The following CTNNB1 variants were observed in gnomAD, a reference collection of about 807,000 sequenced individuals.
CTNNB1 encodes the protein catenin beta 1.
In CTNNB1, 6 loss-of-function variants were observed where a neutral mutation model predicts 82.5. The ratio of observed to expected loss-of-function variants is 0.07; its 90% CI spans 0.04 to 0.14. The LOEUF (loss-of-function observed/expected upper bound fraction) is 0.14. CTNNB1 is among the 10% of genes least tolerant of loss of function. The pLI is 1.00. For missense variants in CTNNB1, 529 were observed against 980.4 expected, an observed-to-expected ratio of 0.54 and a Z score of 6.15; for synonymous variants, 312 against 329.7, an observed-to-expected ratio of 0.95 and a Z score of 0.58.
chr3:41,222,428 C>T (rs1481766154), intron 1 of CTNNB1: 1 of 152,146 alleles, frequency 6.6e-6, no homozygotes, highest in African/African-American at 2.4e-5. Flanking sequence ...TAGGTTTTTA[C>T]CCTCCTTCAC....
At position 41,234,188 on chromosome 3, in the gene CTNNB1, C is replaced by T. The variant is rs973577793; in HGVS notation, c.1574C>T (p.Ala525Val). The change falls in exon 10 of 15, where the codon GCA becomes GTA. Residue 525 changes from alanine to valine, a missense_variant. This residue lies in a region of CTNNB1 where 411 missense variants were observed against 776.4 expected (regional missense o/e 0.53). Coordinates refer to ENST00000349496, the MANE Select transcript of CTNNB1 (RefSeq NM_001904.4). ...CTTGCCCTTTGTCCCGCAAATCATG[C>T]ACCTTTGCGTGAGCAGGGTGCCATT... ...RNLALCPANH[A>V]PLREQGAIPR... 14 of 1,614,092 alleles carry T rather than the reference C, an allele frequency of 8.7e-6. No individual in the cohort carries two copies. The highest frequency in any genetic ancestry group is 9.3e-6 in the Non-Finnish European group (11 of 1,180,038).
At chr3:41,205,009 G>T (rs575101519) in intron 1 of CTNNB1, among the ~76,000 whole-genome samples, 2 of 152,258 alleles carry the variant, frequency 1.3e-5, no homozygotes, top group South Asian at 4.2e-4. Flanking sequence ...TTAAAGTTAG[G>T]AATTAAGATG....
chr3:41,227,644 T>C (rs1408738097), intron 7 of CTNNB1, among the ~76,000 whole-genome samples: 1 of 152,240 alleles, frequency 6.6e-6, no homozygotes, highest in Non-Finnish European at 1.5e-5. Context: ...AACAGAGCTG[T>C]GAATTTATAG....
intron 1 of CTNNB1, among the ~76,000 whole-genome samples, chr3:41,223,448 T>A (rs1427745412): frequency 6.6e-6 from 1 of 152,188 alleles, no homozygotes; most frequent in Non-Finnish European, 1.5e-5. Context: ...GCTTTTGTGT[T>A]GCAAACTTTC....
At position 41,239,544 on chromosome 3, in the gene CTNNB1, C is replaced by A; in HGVS notation, c.*202C>A. The A allele has an allele frequency of 3.3e-6, 2 of 606,100 alleles. No individual in the cohort carries two copies. Among genetic ancestry groups the A allele is most frequent in the South Asian group, 1.9e-5 (1 of 51,376 alleles). 37.5% of individuals were successfully genotyped at this position (606,100 alleles called of 1,614,324 possible). On this transcript the variant is annotated 3_prime_UTR_variant, in exon 15 of 15. Transcript: ENST00000349496. ...CTCAGATTTCTGGTTGTTATGTGAT[C>A]ATGTGTGGAAGTTATTAACTTTAAT...
chr3:41,203,234 A>C lies in CTNNB1; in HGVS notation c.-49+3564A>C, dbSNP rs564534778. Reference sequence around the variant, plus strand: ...ATTTTTTTTTTTTTAATTCCAAACAAGTTTATGTGGGATATATTTAGGAAT... The same window carrying C: ...ATTTTTTTTTTTTTAATTCCAAACACGTTTATGTGGGATATATTTAGGAAT... On this transcript the variant is annotated intron_variant, in intron 1 of 14. Transcript: ENST00000349496. 2.1e-3 allele frequency among the ~76,000 whole-genome samples: 312 copies of C among 151,898 alleles called. 2 individuals carry two copies. The highest frequency in any genetic ancestry group is 0.02 in the Middle Eastern group (6 of 294).
intron 1 of CTNNB1, among the ~76,000 whole-genome samples, chr3:41,204,359 G>A (rs1478366038): frequency 6.6e-6 from 1 of 152,100 alleles, no homozygotes; most frequent in Non-Finnish European, 1.5e-5. Context: ...GACTTAATTT[G>A]TCTCTTGAAA....
At chr3:41,219,721 T>C (rs1333777072) in intron 1 of CTNNB1, among the ~76,000 whole-genome samples, 1 of 152,244 alleles carries the variant, frequency 6.6e-6, no homozygotes, top group Non-Finnish European at 1.5e-5. Flanking sequence ...GTTTATGATC[T>C]GTCAGTATTG....
chr3:41,222,057 T>C (rs1575311388), intron 1 of CTNNB1: 1 of 152,294 alleles, frequency 6.6e-6, no homozygotes, highest in African/African-American at 2.4e-5. Flanking sequence ...TCAGTTTCTA[T>C]GGAGTCAGTT....
At chr3:41,222,390 C>T (rs749662948) in intron 1 of CTNNB1, 3 of 152,126 alleles carry the variant, frequency 2.0e-5, no homozygotes, top group Non-Finnish European at 4.4e-5. Context: ...CCATTTCTAC[C>T]CTTTGTTTTT....
rs1457418133 is a variant in CTNNB1 at position 41,225,344 on chromosome 3, A to G, written c.506A>G (p.Asn169Ser). 2 of 1,613,952 alleles carry G rather than the reference A, an allele frequency of 1.2e-6. No homozygotes were observed. The highest frequency in any genetic ancestry group is 1.7e-6 in the Non-Finnish European group (2 of 1,179,982). ...ATTCCTGTATTACAGGTGGTGGTTA[A>G]TAAGGCTGCAGTTATGGTCCATCAG... is the stretch of plus-strand genomic sequence containing the variant. The part of the protein sequence containing the change: ...LLNDEDQVVV[N>S]KAAVMVHQLS... The change falls in exon 5 of 15, where the codon AAT (asparagine) becomes AGT (serine). Residue 169 changes from asparagine to serine, a missense_variant. Physicochemically the swap from Asn to Ser is conservative, Grantham distance 46. This residue lies in a region of CTNNB1 where 411 missense variants were observed against 776.4 expected (regional missense o/e 0.53). Transcript: ENST00000349496. This position sits in a 1 kb window ranked among gnomAD's most constrained non-coding sequence, Gnocchi z 5.3.
At chr3:41,226,656 A>G (rs1446686181) in intron 6 of CTNNB1, among the ~76,000 whole-genome samples, 1 of 152,218 alleles carries the variant, frequency 6.6e-6, no homozygotes, top group Non-Finnish European at 1.5e-5. Flanking sequence ...TAAAAGCACA[A>G]TGGGAAATTT....
intron 1 of CTNNB1, among the ~76,000 whole-genome samples, chr3:41,213,221 A>G (rs2077835236): frequency 1.3e-5 from 2 of 152,132 alleles, no homozygotes; most frequent in African/African-American, 4.8e-5. Flanking sequence ...AAAGATGATC[A>G]TGTTCTTTAA....
intron 1 of CTNNB1, among the ~76,000 whole-genome samples, chr3:41,213,587 A>G (rs113957558): frequency 0.017 from 2,583 of 152,334 alleles, 31 homozygotes; most frequent in Non-Finnish European, 0.024. Context: ...AAGTCTGTAC[A>G]TTGTATTTAT....
intron 7 of CTNNB1, among the ~76,000 whole-genome samples, chr3:41,228,243 A>G (rs1338743996): frequency 6.6e-6 from 1 of 152,170 alleles, no homozygotes; most frequent in Non-Finnish European, 1.5e-5. Flanking sequence ...ACCTAATAAT[A>G]GGATTGCTGG....
intron 1 of CTNNB1, 129 bp from the exon 2 acceptor site, chr3:41,223,892 A>G (rs2078109970): frequency 3.0e-6 from 2 of 664,432 alleles, no homozygotes; most frequent in Non-Finnish European, 5.3e-6. Context: ...GCGTTTCACT[A>G]ACCTGGTAAA....
At chr3:41,230,937 A>C (rs895618639) in intron 7 of CTNNB1, among the ~76,000 whole-genome samples, 4 of 152,216 alleles carry the variant, frequency 2.6e-5, no homozygotes, top group African/African-American at 9.7e-5. Context: ...GAATCTCATA[A>C]TGTTTAAGAA....
chr3:41,225,884 G>C lies in CTNNB1; in HGVS notation c.936+23G>C, dbSNP rs374781791. 7.5e-6 allele frequency: 12 copies of C among 1,598,008 alleles called. No homozygotes were observed. The highest frequency in any genetic ancestry group is 1.0e-5 in the Non-Finnish European group (12 of 1,167,868). On this transcript the variant is annotated intron_variant, in intron 6 of 14. Transcript: ENST00000349496. The surrounding 1 kb of genome is among the most constrained non-coding windows in gnomAD (Gnocchi z 5.3). ...AAGGTAAGAGAATTATTCTTTATGTGGTTTTCATGGAGCATTGGACACCTC... is the reference window on the plus strand; with the variant it reads ...AAGGTAAGAGAATTATTCTTTATGTCGTTTTCATGGAGCATTGGACACCTC...
intron 7 of CTNNB1, among the ~76,000 whole-genome samples, chr3:41,231,702 A>G (rs892151316): frequency 1.3e-5 from 2 of 152,190 alleles, no homozygotes; most frequent in African/African-American, 4.8e-5. Context: ...AATATTAATA[A>G]TAGCATTGTA....
Sources: gnomAD v4.1 joint callset for allele counts (sites outside exome capture counted in the v4.1 genomes callset) on GRCh38, gnomAD v4.1.1 for gene constraint, gnomAD v4.1.1 regional missense constraint, Gnocchi (gnomAD v3.1) non-coding constraint, MANE v1.5 for transcripts, NCBI Gene and HGNC (gene_info 2026-07-23, HGNC 2026-07-21) for gene names.